Variants in FOXP1 observed in about 807,000 individuals in gnomAD.
FOXP1 encodes forkhead box P1.
In FOXP1, 15 loss-of-function variants were observed where a neutral mutation model predicts 98.2. That is an observed-to-expected ratio of 0.15 (90% CI 0.10 to 0.24). The LOEUF (loss-of-function observed/expected upper bound fraction) is 0.24. FOXP1 is among the 10% of genes least tolerant of loss of function. FOXP1 has a pLI of 1.00. For missense variants in FOXP1, 633 were observed against 848.5 expected (o/e 0.75, Z 3.15); for synonymous variants, 371 against 314.5 (o/e 1.18, Z -1.90).
chr3:71,411,278 C>CAT (rs1436076267), intron 3 of FOXP1, among the ~76,000 whole-genome samples: 3 of 141,786 alleles, frequency 2.1e-5, no homozygotes, highest in South Asian at 2.3e-4. Context: ...GCTGAATGGG[C>CAT]GTGTGTGTGT....
At chr3:71,161,180 C>T (rs1210842418) in intron 6 of FOXP1, among the ~76,000 whole-genome samples, 1 of 152,168 alleles carries the variant, frequency 6.6e-6, no homozygotes. Context: ...GTTCCCTATT[C>T]CTTTGTAACA....
At chr3:70,978,201 G>A (rs1367123869) in intron 14 of FOXP1, among the ~76,000 whole-genome samples, 172 bp from the exon 15 acceptor site, 1 of 152,186 alleles carries the variant, frequency 6.6e-6, no homozygotes, top group Non-Finnish European at 1.5e-5. Flanking sequence ...AATTCACTTA[G>A]GATGCAGTGT....
intron 6 of FOXP1, among the ~76,000 whole-genome samples, chr3:71,131,723 G>C (rs908239299): frequency 6.6e-6 from 1 of 152,198 alleles, no homozygotes; most frequent in African/African-American, 2.4e-5. Flanking sequence ...AAGATAAACC[G>C]CCAGAAAATG....
chr3:71,050,400 G>T (rs2049711196), intron 9 of FOXP1, among the ~76,000 whole-genome samples: 1 of 152,128 alleles, frequency 6.6e-6, no homozygotes, highest in South Asian at 2.1e-4. Flanking sequence ...GCAATCCCTG[G>T]TAACTGATAA....
intron 4 of FOXP1, among the ~76,000 whole-genome samples, chr3:71,315,079 TAAAAAAAAAAAAAAAA>T (rs11355298): frequency 4.2e-5 from 3 of 70,674 alleles, no homozygotes; most frequent in Middle Eastern, 9.3e-3. Context: ...CTGGTCCATG[TAAAAAAAAAAAAAAAA>T]AAAAAAAAAA....
chr3:71,231,678 G>A (rs972395554), intron 5 of FOXP1, among the ~76,000 whole-genome samples: 1 of 152,176 alleles, frequency 6.6e-6, no homozygotes, highest in African/African-American at 2.4e-5. Flanking sequence ...AAAAATTCCA[G>A]GGAAATATAA....
chr3:71,038,424 G>T (rs535219196), intron 11 of FOXP1, among the ~76,000 whole-genome samples: 2 of 152,138 alleles, frequency 1.3e-5, no homozygotes, highest in African/African-American at 4.8e-5. Context: ...GGAAGGACAC[G>T]TATTTCACAA....
chr3:71,245,605 T>G (rs1163374993), intron 5 of FOXP1, among the ~76,000 whole-genome samples: 1 of 132,804 alleles, frequency 7.5e-6, no homozygotes, highest in Non-Finnish European at 1.5e-5. Context: ...AATTACTTGG[T>G]CATTTAGAAG....
rs866057058 is a variant in FOXP1, at chr3:70,967,715, T to G, written c.1723-1659A>C. On this transcript the variant is annotated intron_variant, in intron 19 of 20. Transcript: ENST00000649528. ...TTTTTTTTTTGTTTTTTTTTGTTTT[T>G]TTTTTTTTTTTTTGCAAACTGCAGT... is the stretch of plus-strand genomic sequence containing the variant. Among the ~76,000 whole-genome samples, 53 of 138,388 alleles carry G rather than the reference T, an allele frequency of 3.8e-4. 2 individuals carry two copies. The highest frequency in any genetic ancestry group is 1.7e-4 in the African/African-American group (6 of 34,834). The allele number at this position is 138,388 out of a possible 152,430, so 90.8% of individuals were successfully genotyped here.
chr3:71,017,647 GGTAATA>G (rs1413907996), intron 11 of FOXP1, among the ~76,000 whole-genome samples: 1 of 151,926 alleles, frequency 6.6e-6, no homozygotes, highest in Non-Finnish European at 1.5e-5. Context: ...TTTACTGATG[GGTAATA>G]GTCTATCACG....
chr3:71,225,441 C>A (rs924340688), intron 5 of FOXP1, among the ~76,000 whole-genome samples: 3 of 152,106 alleles, frequency 2.0e-5, no homozygotes, highest in Non-Finnish European at 2.9e-5. Flanking sequence ...AAACAAATAA[C>A]TCTTAAAAGA....
intron 6 of FOXP1, among the ~76,000 whole-genome samples, chr3:71,135,704 T>A (rs1250073893): frequency 6.6e-6 from 1 of 152,144 alleles, no homozygotes; most frequent in Non-Finnish European, 1.5e-5. Context: ...TCTGAACCAA[T>A]GTGCCAAACC....
rs1257643309 is a variant in FOXP1, at chr3:71,583,619, C to T, written c.-495G>A. ...CAAACTAAGGTGTTTTCGGGCCTTT[C>T]CCCGCGCGCGCCCACTCCCGCCCGC... On this transcript the variant is annotated 5_prime_UTR_variant, in exon 1 of 21. Transcript: ENST00000649528. The T allele has an allele frequency of 2.0e-6, 2 of 984,252 alleles. No homozygotes were observed. The highest frequency in any genetic ancestry group is 2.4e-6 in the Non-Finnish European group (2 of 829,670). 61.0% of individuals were successfully genotyped at this position (984,252 alleles called of 1,614,324 possible).
intron 3 of FOXP1, among the ~76,000 whole-genome samples, chr3:71,458,437 A>G (rs955869404): frequency 6.6e-6 from 1 of 152,128 alleles, no homozygotes; most frequent in Non-Finnish European, 1.5e-5. Flanking sequence ...TCAAGGTGCA[A>G]CCCCATTTTC....
chr3:71,071,896 A>C (rs1012703928), intron 7 of FOXP1, among the ~76,000 whole-genome samples: 1 of 152,218 alleles, frequency 6.6e-6, no homozygotes, highest in Non-Finnish European at 1.5e-5. Context: ...AACAACAACA[A>C]CAACAACGAC....
At chr3:71,223,835 T>C (rs1460448387) in intron 5 of FOXP1, among the ~76,000 whole-genome samples, 1 of 152,246 alleles carries the variant, frequency 6.6e-6, no homozygotes, top group Non-Finnish European at 1.5e-5. Context: ...ACCCCATTAC[T>C]GCTTCAGTAA....
chr3:71,210,120 C>G (rs1194050281), intron 5 of FOXP1, among the ~76,000 whole-genome samples: 1 of 152,148 alleles, frequency 6.6e-6, no homozygotes, highest in African/African-American at 2.4e-5. Context: ...TTGGAATTTT[C>G]CACTCTGTCT....
At chr3:71,309,625 A>G (rs1433272533) in intron 4 of FOXP1, among the ~76,000 whole-genome samples, 1 of 152,214 alleles carries the variant, frequency 6.6e-6, no homozygotes, top group East Asian at 1.9e-4. Flanking sequence ...CCAATGCCAC[A>G]AAACCAAATG....
intron 3 of FOXP1, among the ~76,000 whole-genome samples, chr3:71,480,406 G>A (rs901930254): frequency 6.6e-6 from 1 of 152,178 alleles, no homozygotes; most frequent in Non-Finnish European, 1.5e-5. Flanking sequence ...GCATACTAAA[G>A]TTTCAAGAGA....
Sources: allele counts gnomAD v4.1 joint callset (sites outside exome capture counted in the v4.1 genomes callset), GRCh38; gene constraint gnomAD v4.1.1; transcripts MANE v1.5; gene names NCBI Gene and HGNC (gene_info 2026-07-23, HGNC 2026-07-21).